The following RCC1 variants were observed in gnomAD, a reference collection of about 807,000 sequenced individuals.
The protein encoded by RCC1 is regulator of chromosome condensation 1.
In RCC1, 11 loss-of-function variants were observed where a neutral mutation model predicts 44.4. The observed-to-expected ratio is 0.25, with a 90% CI of 0.16 to 0.41. The LOEUF (loss-of-function observed/expected upper bound fraction) is 0.41. Among genes scored for constraint, RCC1 ranks in the 10% least tolerant of loss-of-function variants. The pLI is 1.00. For synonymous variants in RCC1, 213 were observed against 216.5 expected (o/e 0.98, Z 0.14); for missense variants, 386 against 547.1 (o/e 0.71, Z 2.94).
At chr1:28,532,529 A>G (rs1664244628) in intron 7 of RCC1, 179 bp downstream of exon 7, 1 of 618,314 alleles carries the variant, frequency 1.6e-6, no homozygotes, top group Non-Finnish European at 2.8e-6. Context: ...TGTCCACGCC[A>G]CTGGCTGCTT....
intron 5 of RCC1, chr1:28,530,756 G>A (rs1664098579): frequency 1.3e-5 from 8 of 612,786 alleles, no homozygotes; most frequent in South Asian, 2.1e-5. Flanking sequence ...AGAGAGCCCC[G>A]GGCGCGCACC....
chr1:28,513,105 G>A (rs1221661784), intron 3 of RCC1, among the ~76,000 whole-genome samples: 1 of 150,090 alleles, frequency 6.7e-6, no homozygotes, highest in Non-Finnish European at 1.5e-5. Flanking sequence ...GTCTCACTCT[G>A]TTGCCAAAGC....
intron 12 of RCC1, among the ~76,000 whole-genome samples, chr1:28,537,537 G>C (rs1664628989): frequency 6.6e-6 from 1 of 152,196 alleles, no homozygotes; most frequent in Non-Finnish European, 1.5e-5. Flanking sequence ...GGAACATCAG[G>C]GCAGTCTCAA....
At chr1:28,516,649 T>G (rs1662912159) in intron 3 of RCC1, 76 bp from the exon 4 acceptor site, 1 of 291,722 alleles carries the variant, frequency 3.4e-6, no homozygotes. Flanking sequence ...ACATGGATGT[T>G]TCTGTAGTTA....
chr1:28,533,855 T>C (rs1215205538), intron 7 of RCC1, among the ~76,000 whole-genome samples: 9 of 13,508 alleles, frequency 6.7e-4, no homozygotes, highest in East Asian at 3.0e-3. Context: ...CTTTTTTTTT[T>C]TTTTTTTTTT....
chr1:28,526,658 G>A (rs746508992), intron 4 of RCC1: 12 of 481,806 alleles, frequency 2.5e-5, no homozygotes, highest in Non-Finnish European at 4.1e-5. Flanking sequence ...CACTTTGGGA[G>A]GCTGAGGTGG....
Position 28,536,514 on chromosome 1 carries a change from G to A in RCC1, c.937+133G>A. 2 of 1,243,286 alleles carry A rather than the reference G, an allele frequency of 1.6e-6. No homozygotes were observed. The highest frequency in any genetic ancestry group is 2.2e-6 in the Non-Finnish European group (2 of 895,974). The allele number at this position is 1,243,286 out of a possible 1,614,324, so 77.0% of individuals were successfully genotyped here. A position where few individuals can be genotyped will look rare whatever the true frequency, so the allele number is the denominator to read the frequency against. The stretch of plus-strand genomic sequence containing the variant: ...TTGTACCATACATGGGTCCATGAGA[G>A]TCACTCTCATCCTCCTAGAGTCCTG... On this transcript the variant is annotated intron_variant, in intron 11 of 12. Transcript: ENST00000683442. This position sits in a 1 kb window ranked among gnomAD's most constrained non-coding sequence, Gnocchi z 4.9.
Position 28,538,237 on chromosome 1 carries a change from G to A in RCC1, c.*230G>A, listed in dbSNP as rs915826479. The A allele has an allele frequency of 1.1e-5, 5 of 454,800 alleles. No homozygotes were observed. Among genetic ancestry groups the A allele is most frequent in the Non-Finnish European group, 2.0e-5 (5 of 254,690 alleles). The allele number at this position is 454,800 out of a possible 1,614,324, so 28.2% of individuals were successfully genotyped here. A position where few individuals can be genotyped will look rare whatever the true frequency, so the allele number is the denominator to read the frequency against. On this transcript the variant is annotated 3_prime_UTR_variant, in exon 13 of 13. Transcript: ENST00000683442. ...GGGATGGACAGGGGGTTTTCAAAAG[G>A]AACATGGCTCACTCAGAGCTATATG...
chr1:28,522,740 A>G (rs1663365102), intron 4 of RCC1, among the ~76,000 whole-genome samples: 1 of 151,796 alleles, frequency 6.6e-6, no homozygotes, highest in African/African-American at 2.4e-5. Flanking sequence ...GCTTGAGCCT[A>G]GGAGGTGGAG....
At chr1:28,528,472 A>G (rs563033066) in intron 4 of RCC1, among the ~76,000 whole-genome samples, 2 of 152,134 alleles carry the variant, frequency 1.3e-5, no homozygotes, top group East Asian at 1.9e-4. Flanking sequence ...CAAAAACAAA[A>G]CAAAACTTAG....
intron 3 of RCC1, among the ~76,000 whole-genome samples, chr1:28,511,067 G>A (rs1247689216): frequency 6.6e-6 from 1 of 152,232 alleles, no homozygotes; most frequent in East Asian, 1.9e-4. Context: ...CCCTTTTTTA[G>A]ACTTTCCAAA....
intron 9 of RCC1, 55 bp downstream of exon 9, chr1:28,535,435 A>C (rs562970235): frequency 6.2e-7 from 1 of 1,605,424 alleles, no homozygotes; most frequent in Admixed American, 1.7e-5. Flanking sequence ...CCCCACAGTG[A>C]AGGCCAAAGG....
intron 3 of RCC1, among the ~76,000 whole-genome samples, chr1:28,515,521 G>A (rs553541757): frequency 6.1e-5 from 9 of 147,396 alleles, no homozygotes; most frequent in Admixed American, 1.4e-4. Context: ...GCTCAAGACC[G>A]GCCTGGCCAA....
intron 3 of RCC1, chr1:28,510,587 A>G (rs185229077): frequency 2.6e-5 from 4 of 152,142 alleles, no homozygotes; most frequent in Admixed American, 2.6e-4. Context: ...CTGGTGACAG[A>G]GTTAAGTCTC....
chr1:28,521,728 A>G (rs1339586357), intron 4 of RCC1, among the ~76,000 whole-genome samples: 1 of 152,050 alleles, frequency 6.6e-6, no homozygotes, highest in Admixed American at 6.6e-5. Flanking sequence ...CTCAGGCTCT[A>G]GCTGCCTCAT....
chr1:28,528,018 A>C (rs887584549), intron 4 of RCC1, among the ~76,000 whole-genome samples: 3 of 151,798 alleles, frequency 2.0e-5, no homozygotes, highest in African/African-American at 7.3e-5. Context: ...TCAAAAAAAA[A>C]AAAAAAAAAA....
At chr1:28,506,542 C>CTAAA (rs1661951319) in intron 1 of RCC1, 1 of 237,452 alleles carries the variant, frequency 4.2e-6, no homozygotes, top group Admixed American at 5.2e-5. Flanking sequence ...GGTCCCAACT[C>CTAAA]TAAAGTACGC....
intron 4 of RCC1, 43 bp downstream of exon 4, chr1:28,516,910 T>C (rs371439846): frequency 1.2e-4 from 54 of 452,592 alleles, no homozygotes; most frequent in African/African-American, 1.1e-3. Context: ...TGGCAGGCTC[T>C]GCATATAAGA....
intron 7 of RCC1, among the ~76,000 whole-genome samples, chr1:28,534,316 G>A: frequency 6.6e-6 from 1 of 152,150 alleles, no homozygotes; most frequent in Admixed American, 6.6e-5. Flanking sequence ...GAGTAGCTGG[G>A]ACTACAGGCG....
Sources: allele counts gnomAD v4.1 joint callset (sites outside exome capture counted in the v4.1 genomes callset), GRCh38; gene constraint gnomAD v4.1.1; non-coding constraint Gnocchi (gnomAD v3.1); transcripts MANE v1.5; gene names NCBI Gene and HGNC (gene_info 2026-07-23, HGNC 2026-07-21).